The following MEOX2 variants were observed in gnomAD, a reference collection of about 807,000 sequenced individuals.
MEOX2 encodes mesenchyme homeobox 2.
A neutral mutation model predicts 27.0 loss-of-function variants in MEOX2; 11 were observed. The ratio of observed to expected loss-of-function variants is 0.41; its 90% CI spans 0.26 to 0.68. The LOEUF (loss-of-function observed/expected upper bound fraction) is 0.68, where lower values mean the gene tolerates loss of function less well. MEOX2 is among the 30% of genes least tolerant of loss of function. The pLI is 0.33. For missense variants in MEOX2, 436 were observed against 385.4 expected, an observed-to-expected ratio of 1.13 and a Z score of -1.10; for synonymous variants, 189 against 155.4, an observed-to-expected ratio of 1.22 and a Z score of -1.61.
intron 1 of MEOX2, among the ~76,000 whole-genome samples, chr7:15,673,091 G>C (rs1190383458): frequency 6.6e-6 from 1 of 152,112 alleles, no homozygotes; most frequent in Non-Finnish European, 1.5e-5. Context: ...TTCATTATAA[G>C]GGAAGCATTT....
intron 1 of MEOX2, among the ~76,000 whole-genome samples, chr7:15,659,164 T>C (rs1457002155): frequency 6.6e-6 from 1 of 152,202 alleles, no homozygotes; most frequent in Non-Finnish European, 1.5e-5. Flanking sequence ...CATGTCTGGC[T>C]ATTTTTTATT....
At chr7:15,663,192 T>A (rs1379173496) in intron 1 of MEOX2, among the ~76,000 whole-genome samples, 2 of 152,162 alleles carry the variant, frequency 1.3e-5, no homozygotes, top group African/African-American at 2.4e-5. Flanking sequence ...TTTAAAAATA[T>A]CAGAGATTTC....
chr7:15,625,864 G>A (rs777882882), intron 2 of MEOX2, among the ~76,000 whole-genome samples: 5 of 152,058 alleles, frequency 3.3e-5, no homozygotes, highest in Non-Finnish European at 5.9e-5. Context: ...GACCTAAAAA[G>A]CAATTAATTT....
intron 2 of MEOX2, among the ~76,000 whole-genome samples, chr7:15,626,364 C>T (rs1161037409): frequency 2.6e-5 from 4 of 151,944 alleles, no homozygotes; most frequent in African/African-American, 4.8e-5. Flanking sequence ...CATGACCTAT[C>T]CTGAGCAATA....
intron 2 of MEOX2, among the ~76,000 whole-genome samples, chr7:15,617,745 C>T (rs892767228): frequency 6.6e-6 from 1 of 152,050 alleles, no homozygotes; most frequent in Non-Finnish European, 1.5e-5. Context: ...TGCCTCTCAC[C>T]TTTATCCACT....
chr7:15,636,196 G>T (rs891449525), intron 1 of MEOX2, among the ~76,000 whole-genome samples: 2 of 151,890 alleles, frequency 1.3e-5, no homozygotes, highest in Non-Finnish European at 2.9e-5. Flanking sequence ...TCTCTTAAAT[G>T]TTGTGCTGTT....
chr7:15,660,043 G>A (rs1781887185), intron 1 of MEOX2, among the ~76,000 whole-genome samples: 1 of 152,130 alleles, frequency 6.6e-6, no homozygotes, highest in African/African-American at 2.4e-5. Flanking sequence ...TAATATCATT[G>A]AGAGGAAAAG....
intron 2 of MEOX2, among the ~76,000 whole-genome samples, 171 bp downstream of exon 2, chr7:15,626,575 A>G (rs982086284): frequency 6.6e-6 from 1 of 151,750 alleles, no homozygotes; most frequent in Non-Finnish European, 1.5e-5. Context: ...AAATATCACT[A>G]TATTATTTTT....
chr7:15,617,401 G>A (rs1211320127), intron 2 of MEOX2, among the ~76,000 whole-genome samples: 1 of 151,932 alleles, frequency 6.6e-6, no homozygotes, highest in Admixed American at 6.6e-5. Flanking sequence ...TTTGATCATG[G>A]CAGTGTATCT....
chr7:15,653,023 T>G (rs776136410), intron 1 of MEOX2, among the ~76,000 whole-genome samples: 111 of 152,164 alleles, frequency 7.3e-4, no homozygotes, highest in Middle Eastern at 3.4e-3. Flanking sequence ...ATATGATAGT[T>G]GCATGTTTTG....
At chr7:15,667,068 G>C (rs1303208367) in intron 1 of MEOX2, among the ~76,000 whole-genome samples, 1 of 150,778 alleles carries the variant, frequency 6.6e-6, no homozygotes, top group African/African-American at 2.4e-5. Flanking sequence ...GAGGAGGACA[G>C]ATCACAAAGT....
intron 1 of MEOX2, among the ~76,000 whole-genome samples, chr7:15,666,960 C>T (rs1782017386): frequency 6.6e-6 from 1 of 150,402 alleles, no homozygotes; most frequent in South Asian, 2.1e-4. Context: ...ATTCTGGCCA[C>T]CATCTACTAG....
intron 1 of MEOX2, among the ~76,000 whole-genome samples, chr7:15,672,074 CAG>C (rs1358402391): frequency 6.6e-6 from 1 of 151,396 alleles, no homozygotes; most frequent in Admixed American, 6.6e-5. Context: ...ACCTGGGTGA[CAG>C]AGCAAGACTC....
chr7:15,644,959 C>A (rs1781619302), intron 1 of MEOX2, among the ~76,000 whole-genome samples: 1 of 152,146 alleles, frequency 6.6e-6, no homozygotes, highest in Non-Finnish European at 1.5e-5. Flanking sequence ...AGAACGCCCA[C>A]TGCTGTAATA....
At position 15,686,286 on chromosome 7, in the gene MEOX2, G is replaced by C. The variant is rs764979776; in HGVS notation, c.117C>G (p.Pro39=). Residue 39 remains proline (P), a synonymous_variant, in exon 1 of 3, where the codon CCC becomes CCG. Coordinates refer to ENST00000262041, the MANE Select transcript of MEOX2 (RefSeq NM_005924.5). The part of the protein sequence containing the change: ...LHGRSDHMSY[P]ELSTSSSSCI... ...AAGATGAGGAAGAAGTAGAGAGCTC[G>C]GGGTAAGACATATGGTCAGATCTTC... is the stretch of plus-strand genomic sequence containing the variant. 2 of 1,612,094 alleles carry C rather than the reference G, an allele frequency of 1.2e-6. No individual in the cohort carries two copies. Among genetic ancestry groups the C allele is most frequent in the African/African-American group, 2.7e-5 (2 of 74,876 alleles).
intron 1 of MEOX2, among the ~76,000 whole-genome samples, chr7:15,650,582 T>C (rs1185084375): frequency 6.6e-6 from 1 of 152,108 alleles, no homozygotes; most frequent in Non-Finnish European, 1.5e-5. Flanking sequence ...GTTTACTGAA[T>C]GCTTCCTATG....
chr7:15,612,130 T>C lies in MEOX2; in HGVS notation c.*257A>G. 1 of 508,638 alleles carries C rather than the reference T, an allele frequency of 2.0e-6. No individual in the cohort carries two copies. Among genetic ancestry groups the C allele is most frequent in the Non-Finnish European group, 3.5e-6 (1 of 283,196 alleles). 31.5% of individuals were successfully genotyped at this position (508,638 alleles called of 1,614,324 possible). A position where few individuals can be genotyped will look rare whatever the true frequency, so the allele number is the denominator to read the frequency against. ...CAAGCAAAAGCAAACACATACCTGC[T>C]CACTGCCATACGCACGACCAAACAC... On this transcript the variant is annotated 3_prime_UTR_variant, in exon 3 of 3. Coordinates refer to ENST00000262041, the MANE Select transcript of MEOX2 (RefSeq NM_005924.5).
At chr7:15,639,266 T>C (rs1781526873) in intron 1 of MEOX2, among the ~76,000 whole-genome samples, 1 of 152,164 alleles carries the variant, frequency 6.6e-6, no homozygotes, top group African/African-American at 2.4e-5. Flanking sequence ...ATTAGCAACT[T>C]GTATGTCTTC....
At chr7:15,640,445 T>C (rs1427112543) in intron 1 of MEOX2, among the ~76,000 whole-genome samples, 1 of 152,132 alleles carries the variant, frequency 6.6e-6, no homozygotes, top group African/African-American at 2.4e-5. Flanking sequence ...TTTAGAGTTT[T>C]CCAGATATAA....
Sources: gnomAD v4.1 joint callset for allele counts (sites outside exome capture counted in the v4.1 genomes callset) on GRCh38, gnomAD v4.1.1 for gene constraint, MANE v1.5 for transcripts, NCBI Gene and HGNC (gene_info 2026-07-23, HGNC 2026-07-21) for gene names.